Variants in WWP1 observed in about 807,000 individuals in gnomAD.
WWP1 encodes NEDD4-like E3 ubiquitin-protein ligase WWP1.
WWP1 carries 49 observed loss-of-function variants against 130.6 expected under a neutral mutation model. That is an observed-to-expected ratio of 0.38 (90% CI 0.30 to 0.48). WWP1 has a LOEUF of 0.48. Among genes scored for constraint, WWP1 ranks in the 20% least tolerant of loss-of-function variants. The probability of loss-of-function intolerance (pLI) is 0.99; values close to 1 mark genes in which losing one functional copy is unlikely to be tolerated. For synonymous variants in WWP1, 332 were observed against 367.8 expected (o/e 0.90, Z 1.11); for missense variants, 809 against 1,100.6 (o/e 0.74, Z 3.75).
rs368889565 is a variant in WWP1 at position 86,375,412 on chromosome 8, C to T, written c.70+1292C>T. ...GCTACTTGGTCCCATTTTCCCACTT[C>T]TCTCCCTTGCCCTGTAGGTTCACAT... On this transcript the variant is annotated intron_variant, in intron 3 of 24. Transcript: ENST00000517970. 9.9e-5 allele frequency among the ~76,000 whole-genome samples: 15 copies of T among 152,236 alleles called. No homozygotes were observed. The East Asian group carries it at 2.9e-3, about 29-fold the overall frequency.
intron 18 of WWP1, among the ~76,000 whole-genome samples, chr8:86,445,021 A>G (rs1013946105): frequency 3.9e-5 from 6 of 152,030 alleles, no homozygotes; most frequent in African/African-American, 1.4e-4. Flanking sequence ...GGCTGCTTCC[A>G]CTCATGGCAC....
At chr8:86,426,794 T>C (rs1162680431) in intron 10 of WWP1, among the ~76,000 whole-genome samples, 2 of 152,210 alleles carry the variant, frequency 1.3e-5, no homozygotes, top group African/African-American at 4.8e-5. Context: ...TAACTCATTC[T>C]GAACATGGGC....
chr8:86,423,723 C>G (rs1246304322), intron 9 of WWP1, among the ~76,000 whole-genome samples: 2 of 152,174 alleles, frequency 1.3e-5, no homozygotes, highest in African/African-American at 4.8e-5. Flanking sequence ...GGCCCGTTCT[C>G]AATGAGCTGT....
At chr8:86,417,014 A>G (rs1488680350) in intron 9 of WWP1, among the ~76,000 whole-genome samples, 1 of 152,138 alleles carries the variant, frequency 6.6e-6, no homozygotes, top group Non-Finnish European at 1.5e-5. Flanking sequence ...CCAGGTCCCA[A>G]GCCTTGGACA....
intron 4 of WWP1, 112 bp from the exon 5 acceptor site, chr8:86,381,393 A>AT (rs1351342150): frequency 5.4e-6 from 7 of 1,294,922 alleles, no homozygotes; most frequent in Non-Finnish European, 7.4e-6. Context: ...AATAAATGAA[A>AT]TTCACGGTTT....
At chr8:86,431,563 A>C in intron 13 of WWP1, 52 bp from the exon 14 acceptor site, 1 of 1,611,818 alleles carries the variant, frequency 6.2e-7, no homozygotes, top group Non-Finnish European at 8.5e-7. Context: ...TGAATGAGAT[A>C]TTTTTAGTAC....
rs554661358 is a variant in WWP1, at chr8:86,438,231, T to G, written c.1750-354T>G. 4.6e-5 allele frequency among the ~76,000 whole-genome samples: 7 copies of G among 152,374 alleles called. No homozygotes were observed. In the South Asian group the frequency reaches 1.4e-3, roughly 32 times the overall value. On this transcript the variant is annotated intron_variant, in intron 16 of 24. Coordinates refer to ENST00000517970, the MANE Select transcript of WWP1 (RefSeq NM_007013.4). ...ATCATAAAGGTCCTCATTCTCATTG[T>G]CTTCACATTGAATAGGCTGAGGAGG...
chr8:86,408,822 A>G (rs976541932), intron 8 of WWP1, among the ~76,000 whole-genome samples: 1 of 152,070 alleles, frequency 6.6e-6, no homozygotes, highest in African/African-American at 2.4e-5. Flanking sequence ...GGGCAGGAGA[A>G]TTGCTTGAAC....
chr8:86,396,776 A>G (rs1807699868), intron 5 of WWP1, among the ~76,000 whole-genome samples: 1 of 151,946 alleles, frequency 6.6e-6, no homozygotes, highest in African/African-American at 2.4e-5. Flanking sequence ...AATTTTTTTA[A>G]AAAAATAGAG....
At chr8:86,408,504 A>G (rs1050885727) in intron 8 of WWP1, among the ~76,000 whole-genome samples, 3 of 152,206 alleles carry the variant, frequency 2.0e-5, no homozygotes, top group African/African-American at 7.2e-5. Context: ...CATCTCACCA[A>G]CATTTGCATT....
At chr8:86,344,138 T>C (rs559279968) in intron 1 of WWP1, among the ~76,000 whole-genome samples, 1 of 152,342 alleles carries the variant, frequency 6.6e-6, no homozygotes, top group East Asian at 1.9e-4. Flanking sequence ...ATGATCATTT[T>C]TCATAAATGG....
intron 7 of WWP1, among the ~76,000 whole-genome samples, chr8:86,400,153 A>G (rs1428672624): frequency 6.6e-6 from 1 of 151,692 alleles, no homozygotes; most frequent in Non-Finnish European, 1.5e-5. Context: ...ACATGGTGAA[A>G]CCCCGTCTCT....
chr8:86,446,030 G>A (rs1213627745), intron 18 of WWP1, among the ~76,000 whole-genome samples: 54 of 127,692 alleles, frequency 4.2e-4, no homozygotes, highest in Non-Finnish European at 1.7e-4. Context: ...CACCCAGGCT[G>A]GAGTGCAGTG....
At chr8:86,452,002 T>C (rs1218638136) in intron 20 of WWP1, among the ~76,000 whole-genome samples, 1 of 152,210 alleles carries the variant, frequency 6.6e-6, no homozygotes, top group Non-Finnish European at 1.5e-5. Flanking sequence ...GTAAAGAACC[T>C]GTTCTCCAGC....
chr8:86,411,889 T>C lies in WWP1; in HGVS notation c.1061+15T>C. On this transcript the variant is annotated intron_variant, in intron 9 of 24. Transcript: ENST00000517970. ...TTGCCATCAGGGTATGTTAAGCTTT[T>C]TAATGTCTGACTTGCATTTAAGTAG... The C allele has an allele frequency of 6.3e-7, 1 of 1,576,208 alleles. No homozygotes were observed. Among genetic ancestry groups the C allele is most frequent in the Non-Finnish European group, 8.6e-7 (1 of 1,159,866 alleles).
chr8:86,426,027 C>T (rs1809605010), intron 10 of WWP1, among the ~76,000 whole-genome samples: 1 of 152,182 alleles, frequency 6.6e-6, no homozygotes. Context: ...CATTTTAAAA[C>T]ACATTCAAAA....
intron 5 of WWP1, among the ~76,000 whole-genome samples, chr8:86,397,645 T>G (rs1286754943): frequency 1.3e-5 from 2 of 152,138 alleles, no homozygotes; most frequent in Non-Finnish European, 2.9e-5. Context: ...TATATAGAAG[T>G]CTAATATATC....
chr8:86,405,442 C>T (rs991738988), intron 8 of WWP1, among the ~76,000 whole-genome samples: 37 of 151,654 alleles, frequency 2.4e-4, no homozygotes, highest in African/African-American at 8.5e-4. Context: ...CTACATTTCG[C>T]TGCAGAAATA....
chr8:86,342,979 A>C (rs1236332782), intron 1 of WWP1, 49 bp downstream of exon 1: 3 of 110,054 alleles, frequency 2.7e-5, no homozygotes, highest in African/African-American at 3.7e-5. Flanking sequence ...GCAGGGCGGG[A>C]GGGGGCACGG....
Sources: gnomAD v4.1 joint callset for allele counts (sites outside exome capture counted in the v4.1 genomes callset) on GRCh38, gnomAD v4.1.1 for gene constraint, MANE v1.5 for transcripts, NCBI Gene and HGNC (gene_info 2026-07-23, HGNC 2026-07-21) for gene names.